EVX1: variants seen among roughly 807,000 people sequenced by gnomAD.
EVX1 encodes even-skipped homeobox 1.
A neutral mutation model predicts 28.6 loss-of-function variants in EVX1; 19 were observed. The observed-to-expected ratio is 0.67, with a 90% confidence interval of 0.46 to 0.98. The LOEUF (loss-of-function observed/expected upper bound fraction) is 0.98. EVX1 is among the 50% of genes least tolerant of loss of function. The pLI, the probability that EVX1 is intolerant of heterozygous loss-of-function variation, is 0.00. For missense variants in EVX1, 660 were observed against 583.0 expected (o/e 1.13, Z -1.36); for synonymous variants, 324 against 278.2 (o/e 1.16, Z -1.64).
In EVX1 at chr7:27,246,631, G is replaced by A; in HGVS notation, c.*206G>A. 1 of 594,294 alleles carries A rather than the reference G, an allele frequency of 1.7e-6. No homozygotes were observed. The highest frequency in any genetic ancestry group is 2.2e-5 in the South Asian group (1 of 45,838). 36.8% of individuals were successfully genotyped at this position (594,294 alleles called of 1,614,324 possible). ...GGTGGCTGGCGCGTTTGGGGAGCAG[G>A]AGTGGGGATAGGGAAGCAGAGCTTG... On this transcript the variant is annotated 3_prime_UTR_variant, in exon 3 of 3. Coordinates refer to ENST00000496902, the MANE Select transcript of EVX1 (RefSeq NM_001989.5).
At chr7:27,245,813 GCGGGACC>G in intron 2 of EVX1, 66 bp from the exon 3 acceptor site, 5 of 1,538,714 alleles carry the variant, frequency 3.2e-6, no homozygotes, top group Non-Finnish European at 4.4e-6. Context: ...TGTCCCCGGA[GCGGGACC>G]AGACTACTGG....
chr7:27,247,669 C>G lies in EVX1; in HGVS notation c.*1244C>G, dbSNP rs554384826. The G allele has an allele frequency of 6.6e-6, 1 of 152,164 alleles. No individual in the cohort carries two copies. Among genetic ancestry groups the G allele is most frequent in the Non-Finnish European group, 1.5e-5 (1 of 68,048 alleles). The allele number at this position is 152,164 out of a possible 1,614,324, so 9.4% of individuals were successfully genotyped here. The stretch of plus-strand genomic sequence containing the variant: ...AGCCAGTTTTTGAGGAAGAGGAGAA[C>G]GTGTAACCCCAATGCAAGCTTCACC... On this transcript the variant is annotated 3_prime_UTR_variant, in exon 3 of 3. Coordinates refer to ENST00000496902, the MANE Select transcript of EVX1 (RefSeq NM_001989.5).
chr7:27,245,100 C>T lies in EVX1; in HGVS notation c.480C>T (p.Pro160=), dbSNP rs764755977. 3 of 1,613,224 alleles carry T rather than the reference C, an allele frequency of 1.9e-6. No individual in the cohort carries two copies. Among genetic ancestry groups the T allele is most frequent in the Non-Finnish European group, 1.7e-6 (2 of 1,179,966 alleles). Residue 160 remains proline, a synonymous_variant, in exon 2 of 3, where the codon CCC becomes CCT. Coordinates refer to ENST00000496902, the MANE Select transcript of EVX1 (RefSeq NM_001989.5). ...GTCCGAACGGAGGGAGCGAGACCCC[C>T]AAGAGCAACGGCGGCAGTGGTGGGG... is the stretch of plus-strand genomic sequence containing the variant. ...VGSPNGGSET[P]KSNGGSGGGG...
Position 27,243,389 on chromosome 7 carries a change from A to G in EVX1, c.359A>G (p.Tyr120Cys), listed in dbSNP as rs1783080443. ...AGCTCGGACACCGAGTCGGATTTCT[A>G]TGAAGAAATCGAGGTGAGCTGCACC... ...PSSSDTESDF[Y>C]EEIEVSCTPD... The change falls in exon 1 of 3, where the codon TAT (tyrosine) becomes TGT (cysteine). Residue 120 changes from tyrosine to cysteine, a missense_variant. This residue lies in a region of EVX1 where 308 missense variants were observed against 256.6 expected (regional missense o/e 1.20). Transcript: ENST00000496902. 4 of 1,612,056 alleles carry G rather than the reference A, an allele frequency of 2.5e-6. No homozygotes were observed. The highest frequency in any genetic ancestry group is 2.2e-5 in the East Asian group (1 of 44,770).
At chr7:27,245,424 C>A in intron 2 of EVX1, 120 bp downstream of exon 2, 1 of 1,415,234 alleles carries the variant, frequency 7.1e-7, no homozygotes, top group Non-Finnish European at 9.6e-7. Context: ...CTGCCCGGCG[C>A]GTGCAGATTG....
rs563339648 is a variant in EVX1 at position 27,243,236 on chromosome 7, C to A, written c.206C>A (p.Pro69Gln). 3 of 1,548,656 alleles carry A rather than the reference C, an allele frequency of 1.9e-6. No individual in the cohort carries two copies. In the African/African-American group the frequency reaches 4.1e-5, roughly 21 times the overall value. ...ERGGGGPEEE[P>Q]VDGLAGSAAG... ...GGCGGGGGAGGCCCGGAGGAGGAGC[C>A]GGTAGATGGACTCGCAGGCAGCGCG... The change falls in exon 1 of 3, where the codon CCG (proline) becomes CAG (glutamine). Residue 69 changes from proline to glutamine, a missense_variant. Coordinates refer to ENST00000496902, the MANE Select transcript of EVX1 (RefSeq NM_001989.5).
Position 27,245,878 on chromosome 7 carries a change from C to T in EVX1, c.685-8C>T. The T allele has an allele frequency of 4.3e-6, 7 of 1,609,392 alleles. No individual in the cohort carries two copies. The highest frequency in any genetic ancestry group is 5.1e-6 in the Non-Finnish European group (6 of 1,178,910). On this transcript the variant is annotated splice_polypyrimidine_tract_variant and splice_region_variant and intron_variant, in intron 2 of 2. Coordinates refer to ENST00000496902, the MANE Select transcript of EVX1 (RefSeq NM_001989.5). Reference sequence around the variant, plus strand: ...CAGCTACTGAACCTGCTCCGCTCCTCTCCCCAGGTGTGGTTCCAGAACCGG... The same window carrying T: ...CAGCTACTGAACCTGCTCCGCTCCTTTCCCCAGGTGTGGTTCCAGAACCGG...
At position 27,243,323 on chromosome 7, in the gene EVX1, C is replaced by T. The variant is rs747500263; in HGVS notation, c.293C>T (p.Ala98Val). 4 of 1,588,146 alleles carry T rather than the reference C, an allele frequency of 2.5e-6. No individual in the cohort carries two copies. The South Asian group carries it at 4.5e-5, about 18-fold the overall frequency. The change falls in exon 1 of 3, where the codon GCC becomes GTC. Residue 98 changes from alanine to valine, a missense_variant. By Grantham distance (64) the Ala-to-Val change is moderately conservative (BLOSUM62 0). Transcript: ENST00000496902. ...GCCATGCTCGGCCCAGGACCCCCGG[C>T]CCCCTCAGTCGACAGCCTCTCCGGA... The part of the protein sequence containing the change: ...GAAMLGPGPP[A>V]PSVDSLSGQG...
chr7:27,246,664 T>G lies in EVX1; in HGVS notation c.*239T>G. 3 of 525,064 alleles carry G rather than the reference T, an allele frequency of 5.7e-6. No homozygotes were observed. Among genetic ancestry groups the G allele is most frequent in the Non-Finnish European group, 9.9e-6 (3 of 304,560 alleles). 32.5% of individuals were successfully genotyped at this position (525,064 alleles called of 1,614,324 possible). A position where few individuals can be genotyped will look rare whatever the true frequency, so the allele number is the denominator to read the frequency against. On this transcript the variant is annotated 3_prime_UTR_variant, in exon 3 of 3. Transcript: ENST00000496902. ...ATAGGGAAGCAGAGCTTGAGAGACC[T>G]TCCTCCGGGGCAGCCTCCGGACCCA...
In EVX1 at chr7:27,246,716, A is replaced by G; in HGVS notation, c.*291A>G. ...CGCCCCCCACCAGGGTCGAGGCTGTAGCTCCAAAGCTAAACAAAACTTAGC... is the reference window on the plus strand; with the variant it reads ...CGCCCCCCACCAGGGTCGAGGCTGTGGCTCCAAAGCTAAACAAAACTTAGC... On this transcript the variant is annotated 3_prime_UTR_variant, in exon 3 of 3. Coordinates refer to ENST00000496902, the MANE Select transcript of EVX1 (RefSeq NM_001989.5). 2 of 459,554 alleles carry G rather than the reference A, an allele frequency of 4.4e-6. No homozygotes were observed. The highest frequency in any genetic ancestry group is 3.0e-5 in the South Asian group (1 of 33,330). 28.5% of individuals were successfully genotyped at this position (459,554 alleles called of 1,614,324 possible). A position where few individuals can be genotyped will look rare whatever the true frequency, so the allele number is the denominator to read the frequency against.
chr7:27,245,387 G>A (rs1562535673), intron 2 of EVX1, 83 bp downstream of exon 2: 1 of 1,567,904 alleles, frequency 6.4e-7, no homozygotes, highest in Non-Finnish European at 8.7e-7. Context: ...CTGAAACGCA[G>A]GCCAGGAATC....
Position 27,243,011 on chromosome 7 carries a change from C to T in EVX1, c.-20C>T, listed in dbSNP as rs778773220. ...GGAACTCACTTGGGGCTTTCCCCTC[C>T]CCCACCGGAGAGCCCCGGGATGGAG... is the stretch of plus-strand genomic sequence containing the variant. On this transcript the variant is annotated 5_prime_UTR_variant, in exon 1 of 3. Coordinates refer to ENST00000496902, the MANE Select transcript of EVX1 (RefSeq NM_001989.5). 1 of 1,538,968 alleles carries T rather than the reference C, an allele frequency of 6.5e-7. No individual in the cohort carries two copies. Among genetic ancestry groups the T allele is most frequent in the South Asian group, 1.3e-5 (1 of 79,106 alleles).
At position 27,245,789 on chromosome 7, in the gene EVX1, T is replaced by C. The variant is rs531913139; in HGVS notation, c.685-97T>C. On this transcript the variant is annotated intron_variant, in intron 2 of 2. Transcript: ENST00000496902. The stretch of plus-strand genomic sequence containing the variant: ...GGCTGGTGTCTGCTTTGGCTGTTCC[T>C]GCCCTGCGAACACTGTCCCCGGAGC... The C allele has an allele frequency of 3.9e-4, 570 of 1,479,674 alleles. 2 individuals are homozygous for C. The Middle Eastern group carries it at 6.2e-3, about 16-fold the overall frequency. 91.7% of individuals were successfully genotyped at this position (1,479,674 alleles called of 1,614,324 possible).
chr7:27,243,627 T>C (rs1250933408), intron 1 of EVX1, 170 bp downstream of exon 1: 6 of 723,268 alleles, frequency 8.3e-6, no homozygotes, highest in Non-Finnish European at 1.3e-5. Context: ...TACTGTGTTC[T>C]GGCATTGGCG....
rs971644841 is a variant in EVX1 at position 27,246,805 on chromosome 7, C to G, written c.*380C>G. 3 of 288,744 alleles carry G rather than the reference C, an allele frequency of 1.0e-5. No individual in the cohort carries two copies. The highest frequency in any genetic ancestry group is 6.8e-5 in the African/African-American group (3 of 43,974). 17.9% of individuals were successfully genotyped at this position (288,744 alleles called of 1,614,324 possible). On this transcript the variant is annotated 3_prime_UTR_variant, in exon 3 of 3. Transcript: ENST00000496902. ...CCCCTCACCCTCCACCTCACACTCC[C>G]TTCTCACCGGGCCCCCTCTCCCCAG...
Position 27,245,230 on chromosome 7 carries a change from C to A in EVX1, c.610C>A (p.Arg204=). ...TGCGCGGCTGGAGAAGGAATTCTACCGGGAGAACTACGTATCCAGGCCGCG... is the reference window on the plus strand; with the variant it reads ...TGCGCGGCTGGAGAAGGAATTCTACAGGGAGAACTACGTATCCAGGCCGCG... The part of the protein sequence containing the change: ...QIARLEKEFY[R]ENYVSRPRRC... The change falls in exon 2 of 3, where the codon CGG becomes AGG. Residue 204 remains arginine, a synonymous_variant. Transcript: ENST00000496902. 6.2e-7 allele frequency: 1 copy of A among 1,613,626 alleles called. No individual in the cohort carries two copies. Among genetic ancestry groups the A allele is most frequent in the African/African-American group, 1.3e-5 (1 of 75,074 alleles).
At position 27,246,422 on chromosome 7, in the gene EVX1, A is replaced by G. The variant is rs1562536965; in HGVS notation, c.1221A>G (p.Arg407=). 6.3e-7 allele frequency: 1 copy of G among 1,593,500 alleles called. No homozygotes were observed. The highest frequency in any genetic ancestry group is 1.7e-5 in the Admixed American group (1 of 58,836). The change falls in exon 3 of 3, where the codon AGA becomes AGG. Residue 407 remains arginine, a synonymous_variant. Coordinates refer to ENST00000496902, the MANE Select transcript of EVX1 (RefSeq NM_001989.5). ...LDQREEVPLT[R] is the part of the protein sequence containing the mutation. ...AGAGGGAGGAGGTGCCCCTCACTAGATAAGGGGCCGCCGGCTGGCTGCCGG... is the reference window on the plus strand; with the variant it reads ...AGAGGGAGGAGGTGCCCCTCACTAGGTAAGGGGCCGCCGGCTGGCTGCCGG...
intron 1 of EVX1, among the ~76,000 whole-genome samples, chr7:27,244,254 T>A (rs1783106603): frequency 6.6e-6 from 1 of 151,558 alleles, no homozygotes; most frequent in Non-Finnish European, 1.5e-5. Flanking sequence ...GTGCCAACAA[T>A]CACCTCCCCA....
rs1036703134 is a variant in EVX1, at chr7:27,246,210, C to G, written c.1009C>G (p.His337Asp). 1 of 1,500,834 alleles carries G rather than the reference C, an allele frequency of 6.7e-7. No individual in the cohort carries two copies. Among genetic ancestry groups the G allele is most frequent in the African/African-American group, 1.5e-5 (1 of 68,636 alleles). 93.0% of individuals were successfully genotyped at this position (1,500,834 alleles called of 1,614,324 possible). Residue 337 changes from histidine (H) to aspartate (D), a missense_variant, in exon 3 of 3, where the codon CAC (histidine) becomes GAC (aspartate). By Grantham distance (81) the His-to-Asp change is moderately conservative. Transcript: ENST00000496902. ...RHPPLYPGPA[H>D]GLGASAGGPC... The stretch of plus-strand genomic sequence containing the variant: ...CCCGCCGCTCTACCCCGGGCCCGCG[C>G]ACGGACTGGGCGCCTCTGCCGGCGG...
Sources: gnomAD v4.1 joint callset for allele counts (sites outside exome capture counted in the v4.1 genomes callset) on GRCh38, gnomAD v4.1.1 for gene constraint, gnomAD v4.1.1 regional missense constraint, MANE v1.5 for transcripts, NCBI Gene and HGNC (gene_info 2026-07-23, HGNC 2026-07-21) for gene names.